Variants in ZBTB20 observed in about 807,000 individuals in gnomAD.
The protein encoded by ZBTB20 is zinc finger and BTB domain containing 20.
In ZBTB20, 9 loss-of-function variants were observed where a neutral mutation model predicts 56.9. That is an observed-to-expected ratio of 0.16 (90% CI 0.10 to 0.28). ZBTB20 has a LOEUF of 0.28. ZBTB20 is among the 10% of genes least tolerant of loss of function. ZBTB20 has a pLI of 1.00. For missense variants in ZBTB20, 655 were observed against 1,003.0 expected (o/e 0.65, Z 4.69); for synonymous variants, 417 against 420.7 (o/e 0.99, Z 0.11).
intron 1 of ZBTB20, among the ~76,000 whole-genome samples, chr3:115,145,127 T>C (rs147669585): frequency 1.1e-3 from 164 of 152,266 alleles, no homozygotes; most frequent in African/African-American, 3.8e-3. Context: ...TCAAGGGCAA[T>C]TTCAAAAGCT....
intron 4 of ZBTB20, among the ~76,000 whole-genome samples, chr3:114,845,820 G>A (rs929194532): frequency 2.0e-5 from 3 of 151,908 alleles, no homozygotes; most frequent in South Asian, 2.1e-4. Context: ...TATATTATGC[G>A]AAACACTAAA....
rs536252394 is a variant in ZBTB20, at chr3:114,627,150, C to G, written c.-295+66378G>C. Among the ~76,000 whole-genome samples, 17 of 152,312 alleles carry G rather than the reference C, an allele frequency of 1.1e-4. No individual in the cohort carries two copies. In the East Asian group the frequency reaches 3.3e-3, roughly 29 times the overall value. On this transcript the variant is annotated intron_variant, in intron 6 of 11. Coordinates refer to ENST00000675478, the MANE Select transcript of ZBTB20 (RefSeq NM_001348800.3). ...CTAAGCCCTCTCTTGTATATAATCA[C>G]TTTTCATGCAAAGCATTCCATCTGT...
intron 5 of ZBTB20, among the ~76,000 whole-genome samples, chr3:114,706,498 T>C (rs2063726400): frequency 1.3e-5 from 2 of 152,140 alleles, no homozygotes; most frequent in African/African-American, 4.8e-5. Flanking sequence ...CAGTGGACGA[T>C]TTTAAAGCAC....
chr3:115,086,381 A>G (rs1210526697), intron 1 of ZBTB20, among the ~76,000 whole-genome samples: 1 of 151,796 alleles, frequency 6.6e-6, no homozygotes, highest in African/African-American at 2.4e-5. Context: ...AACCGTATTT[A>G]TTTTGTGTCA....
At chr3:114,597,107 A>G (rs1231194768) in intron 6 of ZBTB20, among the ~76,000 whole-genome samples, 2 of 152,154 alleles carry the variant, frequency 1.3e-5, no homozygotes, top group African/African-American at 4.8e-5. Flanking sequence ...GCAGTTCTCC[A>G]TATGCATAAA....
rs886489818 is a variant in ZBTB20 at position 114,559,492 on chromosome 3, C to A, written c.-294-59101G>T. On this transcript the variant is annotated intron_variant, in intron 6 of 11. Transcript: ENST00000675478. ...GAACCAGGTATAATTAATCTGAGGT[C>A]CACCAATAGGCTTGAGGGGGTTTGT... Among the ~76,000 whole-genome samples, 4 of 152,114 alleles carry A rather than the reference C, an allele frequency of 2.6e-5. 1 individual carries two copies. Among genetic ancestry groups the A allele is most frequent in the Non-Finnish European group, 5.9e-5 (4 of 68,004 alleles).
At chr3:114,517,078 T>C (rs1192551645) in intron 6 of ZBTB20, among the ~76,000 whole-genome samples, 1 of 152,234 alleles carries the variant, frequency 6.6e-6, no homozygotes, top group Non-Finnish European at 1.5e-5. Flanking sequence ...CTCTAGGATA[T>C]TGAATGAATG....
chr3:114,916,247 A>G (rs1406629837), intron 3 of ZBTB20, among the ~76,000 whole-genome samples: 1 of 152,008 alleles, frequency 6.6e-6, no homozygotes, highest in Non-Finnish European at 1.5e-5. Context: ...TTGGGTGTAT[A>G]TTTATTTACA....
chr3:114,451,502 A>G (rs950972752), intron 7 of ZBTB20, among the ~76,000 whole-genome samples: 6 of 152,166 alleles, frequency 3.9e-5, no homozygotes, highest in Admixed American at 6.6e-5. Flanking sequence ...TTAAACCAGT[A>G]TACTGAAATA....
In ZBTB20 at chr3:114,331,071, A is replaced by C. The variant is rs543840976; in HGVS notation, c.*7934T>G. On this transcript the variant is annotated 3_prime_UTR_variant, in exon 12 of 12. Transcript: ENST00000675478. ...ACGATGATATCTTGTGAGTACAGGC[A>C]GAATTAGGAAGCTTTAGTTTGAGAA... 1 of 152,572 alleles carries C rather than the reference A, an allele frequency of 6.6e-6. No individual in the cohort carries two copies. Among genetic ancestry groups the C allele is most frequent in the South Asian group, 2.1e-4 (1 of 4,818 alleles). The allele number at this position is 152,572 out of a possible 1,614,324, so 9.5% of individuals were successfully genotyped here. A position where few individuals can be genotyped will look rare whatever the true frequency, so the allele number is the denominator to read the frequency against.
intron 6 of ZBTB20, among the ~76,000 whole-genome samples, chr3:114,684,995 T>C (rs749522179): frequency 6.6e-6 from 1 of 152,118 alleles, no homozygotes; most frequent in Non-Finnish European, 1.5e-5. Flanking sequence ...CAAAGCTCTT[T>C]CCATCTTATA....
chr3:114,490,641 G>A (rs1023464283), intron 7 of ZBTB20, among the ~76,000 whole-genome samples: 1 of 152,034 alleles, frequency 6.6e-6, no homozygotes, highest in African/African-American at 2.4e-5. Flanking sequence ...TTAGATGCCA[G>A]CTCTTAACAT....
chr3:114,425,137 T>C, intron 7 of ZBTB20, among the ~76,000 whole-genome samples: 1 of 134,730 alleles, frequency 7.4e-6, no homozygotes, highest in African/African-American at 4.0e-5. Flanking sequence ...CATTAATTCT[T>C]CAGCTGACCA....
At chr3:114,458,181 C>A (rs571190925) in intron 7 of ZBTB20, among the ~76,000 whole-genome samples, 1 of 152,228 alleles carries the variant, frequency 6.6e-6, no homozygotes, top group African/African-American at 2.4e-5. Context: ...ACAGTGTTAG[C>A]ACAAGGGTTA....
chr3:114,610,105 A>ACAG (rs1560032145), intron 6 of ZBTB20, among the ~76,000 whole-genome samples: 1 of 152,214 alleles, frequency 6.6e-6, no homozygotes, highest in Non-Finnish European at 1.5e-5. Context: ...TGAAGCAGCA[A>ACAG]CAGCAGCAGC....
At chr3:114,432,052 G>A (rs2090160726) in intron 7 of ZBTB20, among the ~76,000 whole-genome samples, 1 of 152,060 alleles carries the variant, frequency 6.6e-6, no homozygotes, top group Admixed American at 6.6e-5. Context: ...ACAGCAGAGA[G>A]AGGGGGGAAA....
intron 6 of ZBTB20, among the ~76,000 whole-genome samples, chr3:114,638,702 C>G (rs1005956082): frequency 3.3e-5 from 5 of 151,538 alleles, no homozygotes; most frequent in Non-Finnish European, 7.4e-5. Context: ...GAGGATGAAA[C>G]CAGGTCAAAA....
chr3:114,567,294 GA>G (rs1296864516), intron 6 of ZBTB20, among the ~76,000 whole-genome samples: 2 of 152,100 alleles, frequency 1.3e-5, no homozygotes, highest in South Asian at 2.1e-4. Context: ...GGGTCCTCGG[GA>G]AAAAAATTGC....
intron 5 of ZBTB20, among the ~76,000 whole-genome samples, chr3:114,729,509 C>T (rs978715632): frequency 1.3e-5 from 2 of 152,048 alleles, no homozygotes; most frequent in Admixed American, 1.3e-4. Flanking sequence ...ATTATATTCT[C>T]CCTCTACTTT....
Sources: allele counts gnomAD v4.1 joint callset (sites outside exome capture counted in the v4.1 genomes callset), GRCh38; gene constraint gnomAD v4.1.1; transcripts MANE v1.5; gene names NCBI Gene and HGNC (gene_info 2026-07-23, HGNC 2026-07-21).